MCM7: variants seen among roughly 807,000 people sequenced by gnomAD.
MCM7 encodes the protein DNA replication licensing factor MCM7.
A neutral mutation model predicts 83.5 loss-of-function variants in MCM7; 95 were observed. The ratio of observed to expected loss-of-function variants is 1.14; its 90% CI spans 0.96 to 1.35. The LOEUF is 1.35. MCM7 is among the 40% of genes most tolerant of loss of function. MCM7 has a pLI of 0.00. For missense variants in MCM7, 1,087 were observed against 957.4 expected (o/e 1.14, Z -1.79); for synonymous variants, 461 against 352.7 (o/e 1.31, Z -3.44).
intron 1 of MCM7, 49 bp from the exon 2 acceptor site, chr7:100,100,142 T>A (rs1353585780): frequency 6.2e-7 from 1 of 1,602,218 alleles, no homozygotes; most frequent in African/African-American, 1.3e-5. Context: ...AAGACAAATC[T>A]TAGATACCCA....
chr7:100,092,968 C>T lies in MCM7; in HGVS notation c.2124G>A (p.Gln708=), dbSNP rs375140364. Residue 708 remains glutamine, a synonymous_variant, in exon 15 of 15, where the codon CAG becomes CAA. Transcript: ENST00000303887. ...TGATCCGTGTCCGGGAAGCATTGACCTGCCAGACATTGAGCTCCTCATATT... is the reference window on the plus strand; with the variant it reads ...TGATCCGTGTCCGGGAAGCATTGACTTGCCAGACATTGAGCTCCTCATATT... The part of the protein sequence containing the change: ...LDEYEELNVW[Q]VNASRTRITF... 3.1e-6 allele frequency: 5 copies of T among 1,614,246 alleles called. No individual in the cohort carries two copies. The South Asian group carries it at 3.3e-5, about 11-fold the overall frequency.
At chr7:100,093,894 G>C (rs759739654) in intron 13 of MCM7, 2 of 676,254 alleles carry the variant, frequency 3.0e-6, no homozygotes, top group Non-Finnish European at 2.8e-6. Flanking sequence ...CTGTAGCACA[G>C]GATCTAGGAC....
Position 100,099,374 on chromosome 7 carries a change from G to A in MCM7, c.306C>T (p.Tyr102=), listed in dbSNP as rs748084766. 34 of 1,560,864 alleles carry A rather than the reference G, an allele frequency of 2.2e-5. No individual in the cohort carries two copies. The highest frequency in any genetic ancestry group is 2.9e-5 in the Non-Finnish European group (33 of 1,148,324). The part of the protein sequence containing the change: ...EVVNKDVLDV[Y]IEHRLMMEQR... Reference sequence around the variant, plus strand: ...GCTCCATCATTAGCCGATGCTCAATGTAAACGTCCAGGACATCTTTATTTA... The same window carrying A: ...GCTCCATCATTAGCCGATGCTCAATATAAACGTCCAGGACATCTTTATTTA... Residue 102 remains tyrosine (Y), a synonymous_variant, in exon 4 of 15, where the codon TAC becomes TAT. Transcript: ENST00000303887.
At position 100,100,081 on chromosome 7, in the gene MCM7, T is replaced by G. The variant is rs765502274; in HGVS notation, c.44A>C (p.Lys15Thr). The G allele has an allele frequency of 6.2e-7, 1 of 1,614,086 alleles. No individual in the cohort carries two copies. The highest frequency in any genetic ancestry group is 8.5e-7 in the Non-Finnish European group (1 of 1,179,986). The change falls in exon 2 of 15, where the codon AAG becomes ACG. Residue 15 changes from lysine (K) to threonine (T), a missense_variant. By Grantham distance (78) the Lys-to-Thr change is moderately conservative (BLOSUM62 -1). Coordinates refer to ENST00000303887, the MANE Select transcript of MCM7 (RefSeq NM_005916.5). ...ATCCTGGTAGAACTCTTGTAAGAAC[T>G]TCTTAACCTTTTCTGTAACATGAAA... ...DYALEKEKVK[K>T]FLQEFYQDDE...
rs531476711 is a variant in MCM7 at position 100,099,157 on chromosome 7, G to C, written c.448C>G (p.Arg150Gly). 3 of 1,613,918 alleles carry C rather than the reference G, an allele frequency of 1.9e-6. No individual in the cohort carries two copies. Among genetic ancestry groups the C allele is most frequent in the Non-Finnish European group, 2.5e-6 (3 of 1,180,038 alleles). ...CCCACAGAGTCAGCCCGCACTTCCC[G>C]GATCACACGAGGCTTGTTGCTGCTA... is the stretch of plus-strand genomic sequence containing the variant. ...GPSSNKPRVI[R>G]EVRADSVGKL... Residue 150 changes from arginine to glycine, a missense_variant, in exon 5 of 15, where the codon CGG (arginine) becomes GGG (glycine). Arg to Gly is a moderately radical substitution (Grantham distance 125, BLOSUM62 -2). Coordinates refer to ENST00000303887, the MANE Select transcript of MCM7 (RefSeq NM_005916.5).
chr7:100,097,386 TG>T lies in MCM7; in HGVS notation c.1118-3del. On this transcript the variant is annotated splice_polypyrimidine_tract_variant and splice_region_variant and intron_variant, in intron 9 of 14. Coordinates refer to ENST00000303887, the MANE Select transcript of MCM7 (RefSeq NM_005916.5). ...CCATCAGACAGATGTTGATGTTGCC[TG>T]GAGGAAGGGAAGGCAGCCCTGGAAT... 1 of 1,614,148 alleles carries T rather than the reference TG, an allele frequency of 6.2e-7. No individual in the cohort carries two copies. The highest frequency in any genetic ancestry group is 8.5e-7 in the Non-Finnish European group (1 of 1,180,000).
At position 100,099,372 on chromosome 7, in the gene MCM7, A is replaced by G; in HGVS notation, c.308T>C (p.Ile103Thr). Residue 103 changes from isoleucine to threonine, a missense_variant, in exon 4 of 15, where the codon ATT (isoleucine) becomes ACT (threonine). Ile to Thr is a moderately conservative substitution (Grantham distance 89, BLOSUM62 -1). Transcript: ENST00000303887. ...VVNKDVLDVY[I>T]EHRLMMEQRS... The stretch of plus-strand genomic sequence containing the variant: ...CTGCTCCATCATTAGCCGATGCTCA[A>G]TGTAAACGTCCAGGACATCTTTATT... The G allele has an allele frequency of 2.5e-6, 4 of 1,610,294 alleles. No homozygotes were observed. Among genetic ancestry groups the G allele is most frequent in the Non-Finnish European group, 3.4e-6 (4 of 1,178,424 alleles).
chr7:100,100,489 C>G lies in MCM7; in HGVS notation c.32-396G>C, dbSNP rs1055020972. The G allele has an allele frequency of 7.0e-6, 7 of 1,000,560 alleles. No individual in the cohort carries two copies. The African/African-American group carries it at 1.2e-4, about 17-fold the overall frequency. 62.0% of individuals were successfully genotyped at this position (1,000,560 alleles called of 1,614,324 possible). On this transcript the variant is annotated intron_variant, in intron 1 of 14. Coordinates refer to ENST00000303887, the MANE Select transcript of MCM7 (RefSeq NM_005916.5). ...GACCTCCGCCACCGCACCCCGCCAC[C>G]GCACCCCACCCCCGCTCCCGCCATC... is the stretch of plus-strand genomic sequence containing the variant.
chr7:100,097,929 T>C lies in MCM7; in HGVS notation c.890A>G (p.Tyr297Cys). 3.1e-6 allele frequency: 5 copies of C among 1,614,204 alleles called. 1 individual carries two copies. The highest frequency in any genetic ancestry group is 4.2e-6 in the Non-Finnish European group (5 of 1,180,032). ...QVVQGLLSET[Y>C]LEAHRIVKMN... ...CTTCACAATCCGATGGGCTTCCAGG[T>C]AGGTTTCTGAGAGTAAACCCTTGGG... Residue 297 changes from tyrosine (Y) to cysteine (C), a missense_variant, in exon 8 of 15, where the codon TAC (tyrosine) becomes TGC (cysteine). By Grantham distance (194) the Tyr-to-Cys change is radical. Transcript: ENST00000303887.
Position 100,098,129 on chromosome 7 carries a change from A to C in MCM7, c.870+12T>G, listed in dbSNP as rs767535443. ...GGGGATGATCCATTCCTCATGTCAA[A>C]CTCTTCCTTACCTGTACCACCTGTC... On this transcript the variant is annotated intron_variant, in intron 7 of 14. Transcript: ENST00000303887. 4.3e-6 allele frequency: 7 copies of C among 1,613,222 alleles called. No homozygotes were observed. Among genetic ancestry groups the C allele is most frequent in the Non-Finnish European group, 1.7e-6 (2 of 1,179,608 alleles).
At chr7:100,099,794 C>T in intron 2 of MCM7, 41 bp from the exon 3 acceptor site, 2 of 1,607,930 alleles carry the variant, frequency 1.2e-6, no homozygotes, top group South Asian at 2.2e-5. Flanking sequence ...GAGCCACATT[C>T]ACTTTGCTCA....
intron 11 of MCM7, 44 bp from the exon 12 acceptor site, chr7:100,095,514 C>G: frequency 3.2e-6 from 5 of 1,574,576 alleles, no homozygotes; most frequent in Non-Finnish European, 4.4e-6. Flanking sequence ...TTTAGGGCTA[C>G]GCACCCATGT....
Position 100,092,868 on chromosome 7 carries a change from GC to G in MCM7, c.*63del. ...CCTCCTTCCCCTCAAAGGCATCACT[GC>G]CCCTTCCCAAGGGGCAGGCCAGCAG... On this transcript the variant is annotated 3_prime_UTR_variant, in exon 15 of 15. Transcript: ENST00000303887. 2.6e-6 allele frequency: 4 copies of G among 1,566,870 alleles called. No homozygotes were observed. Among genetic ancestry groups the G allele is most frequent in the Non-Finnish European group, 3.5e-6 (4 of 1,137,810 alleles).
chr7:100,097,432 G>T (rs758292537), intron 9 of MCM7, 48 bp from the exon 10 acceptor site: 1 of 1,601,348 alleles, frequency 6.2e-7, no homozygotes, highest in Non-Finnish European at 8.6e-7. Flanking sequence ...CCCAGTGCTT[G>T]GCCAACAACA....
At chr7:100,097,410 A>T in intron 9 of MCM7, 26 bp from the exon 10 acceptor site, 1 of 1,611,314 alleles carries the variant, frequency 6.2e-7, no homozygotes, top group Admixed American at 1.7e-5. Flanking sequence ...GCAGCCCTGG[A>T]ATGACTCTTC....
intron 2 of MCM7, 95 bp from the exon 3 acceptor site, chr7:100,099,848 G>A: frequency 6.5e-7 from 1 of 1,534,558 alleles, no homozygotes; most frequent in Non-Finnish European, 8.9e-7. Context: ...ACTCAGCACA[G>A]GCTCTGGGCA....
Position 100,100,035 on chromosome 7 carries a change from C to G in MCM7, c.90G>C (p.Gln30His), listed in dbSNP as rs750551919. The G allele has an allele frequency of 1.2e-6, 2 of 1,614,058 alleles. No homozygotes were observed. The highest frequency in any genetic ancestry group is 2.2e-5 in the East Asian group (1 of 44,894). Reference sequence around the variant, plus strand: ...TTACCAACTGGTTCCCATACTTGAACTGCTTCTTCCCGAGTTCATCATCCT... The same window carrying G: ...TTACCAACTGGTTCCCATACTTGAAGTGCTTCTTCCCGAGTTCATCATCCT... ...FYQDDELGKKQFKYGNQLVRL... is the reference protein window; with the variant it reads ...FYQDDELGKKHFKYGNQLVRL... Residue 30 changes from glutamine to histidine, a missense_variant, in exon 2 of 15, where the codon CAG becomes CAC. Coordinates refer to ENST00000303887, the MANE Select transcript of MCM7 (RefSeq NM_005916.5).
In MCM7 at chr7:100,094,260, C is replaced by T. The variant is rs761402052; in HGVS notation, c.1761G>A (p.Glu587=). The T allele has an allele frequency of 2.5e-6, 4 of 1,614,244 alleles. No homozygotes were observed. Among genetic ancestry groups the T allele is most frequent in the Admixed American group, 3.3e-5 (2 of 60,030 alleles). Residue 587 remains glutamate, a synonymous_variant, in exon 13 of 15, where the codon GAG becomes GAA. Transcript: ENST00000303887. ...TACTAGCCCAAGCCTCTCGCCTCAT[C>T]TCCACGTATGCTGCTGTGATGTAGT... ...LADYITAAYV[E]MRREAWASKD...
Position 100,093,285 on chromosome 7 carries a change from C to T in MCM7, c.1958+7G>A. ...GACACAGCTTTGTCCTTCACTAAAC[C>T]ACTCACCTAGCTGTCTGCCCCTTGT... On this transcript the variant is annotated splice_region_variant and intron_variant, in intron 14 of 14. Transcript: ENST00000303887. 6.2e-7 allele frequency: 1 copy of T among 1,612,052 alleles called. No individual in the cohort carries two copies. The highest frequency in any genetic ancestry group is 1.3e-5 in the African/African-American group (1 of 75,016).
Sources: gnomAD v4.1 joint callset for allele counts on GRCh38, gnomAD v4.1.1 for gene constraint, MANE v1.5 for transcripts, NCBI Gene and HGNC (gene_info 2026-07-23, HGNC 2026-07-21) for gene names.